The following UNC93A variants were observed in gnomAD, a reference collection of about 807,000 sequenced individuals.
UNC93A encodes N-acetylglucosamine transporter UNC93A.
UNC93A carries 43 observed loss-of-function variants against 47.5 expected under a neutral mutation model. That is an observed-to-expected ratio of 0.91 (90% confidence interval 0.71 to 1.17). The LOEUF (loss-of-function observed/expected upper bound fraction) is 1.17, where lower values mean the gene tolerates loss of function less well. UNC93A is among the 50% of genes most tolerant of loss of function. UNC93A has a pLI of 0.00. For missense variants in UNC93A, 605 were observed against 577.6 expected (o/e 1.05, Z -0.49); for synonymous variants, 280 against 258.0 (o/e 1.09, Z -0.82).
intron 3 of UNC93A, 105 bp from the exon 4 acceptor site, chr6:167,297,840 C>T: frequency 2.1e-6 from 3 of 1,439,152 alleles, no homozygotes; most frequent in Non-Finnish European, 2.8e-6. Flanking sequence ...GATGCCTCCC[C>T]CCAGGTGTCC....
chr6:167,302,648 A>G (rs1255677656), intron 4 of UNC93A, among the ~76,000 whole-genome samples: 1 of 152,238 alleles, frequency 6.6e-6, no homozygotes, highest in Non-Finnish European at 1.5e-5. Flanking sequence ...AGTGGTGGGC[A>G]GATGGAGATT....
At chr6:167,288,947 G>T (rs1783792520), upstream of UNC93A, among the ~76,000 whole-genome samples, 1 of 152,288 alleles carries the variant, frequency 6.6e-6, no homozygotes, top group Non-Finnish European at 1.5e-5. Flanking sequence ...GATTCGAGCA[G>T]ATCTACAGAA....
At chr6:167,301,268 G>A (rs1474066202) in intron 4 of UNC93A, among the ~76,000 whole-genome samples, 8 of 152,198 alleles carry the variant, frequency 5.3e-5, no homozygotes, top group East Asian at 3.9e-4. Context: ...CTCGGTTCAC[G>A]GAATCCCGCA....
chr6:167,288,308 C>T (rs1383149678), upstream of UNC93A, among the ~76,000 whole-genome samples: 1 of 152,206 alleles, frequency 6.6e-6, no homozygotes, highest in Non-Finnish European at 1.5e-5. Context: ...CCCGAATGCC[C>T]GCTCAGCTCA....
rs9459961 is a variant in UNC93A, at chr6:167,285,561, G to A, written c.-51-5878G>A. Among the ~76,000 whole-genome samples, 1,161 of 151,810 alleles carry A rather than the reference G, an allele frequency of 7.6e-3. 21 individuals are homozygous for A. Among genetic ancestry groups the A allele is most frequent in the African/African-American group, 0.027 (1,125 of 41,482 alleles). Reference sequence around the variant, plus strand: ...GCGGGGATGAGAGTTGGCCTCTGTCGCAAGCACAGGGCTGGAGTCGTGGAA... The same window carrying A: ...GCGGGGATGAGAGTTGGCCTCTGTCACAAGCACAGGGCTGGAGTCGTGGAA... On this transcript the variant is annotated intron_variant, in intron 1 of 3. Coordinates refer to the UNC93A transcript ENST00000503433.
chr6:167,271,683 T>C lies in UNC93A; in HGVS notation c.-52+225T>C, dbSNP rs777948114. ...CTGGCTGAGGTCCTATAAATTAGAATGGCAAAAGACAGGTTGACAAAATAG... is the reference window on the plus strand; with the variant it reads ...CTGGCTGAGGTCCTATAAATTAGAACGGCAAAAGACAGGTTGACAAAATAG... On this transcript the variant is annotated intron_variant, in intron 1 of 3. Transcript: ENST00000503433. Among the ~76,000 whole-genome samples the C allele has an allele frequency of 2.6e-5, 4 of 152,258 alleles. 1 individual carries two copies. Among genetic ancestry groups the C allele is most frequent in the Middle Eastern group, 6.8e-3 (2 of 294 alleles).
intron 1 of UNC93A, among the ~76,000 whole-genome samples, chr6:167,283,140 A>G (rs575539136): frequency 1.3e-5 from 2 of 152,230 alleles, no homozygotes; most frequent in Non-Finnish European, 2.9e-5. Flanking sequence ...AGGATTCTTT[A>G]GAAAATGTAA....
rs550979479 is a variant in UNC93A at position 167,299,800 on chromosome 6, G to C, written c.625+1730G>C. Reference sequence around the variant, plus strand: ...GAGATGTCCAGGAAGAGCCCGCAGGGCTGGGGGCAAGGTGGAGGGGCAGAA... The same window carrying C: ...GAGATGTCCAGGAAGAGCCCGCAGGCCTGGGGGCAAGGTGGAGGGGCAGAA... On this transcript the variant is annotated intron_variant, in intron 4 of 7. Coordinates refer to ENST00000230256, the MANE Select transcript of UNC93A (RefSeq NM_018974.4). Among the ~76,000 whole-genome samples the C allele has an allele frequency of 2.1e-4, 32 of 152,364 alleles. No homozygotes were observed. In the South Asian group the frequency reaches 6.2e-3, roughly 30 times the overall value.
chr6:167,297,836 T>C (rs576136464), intron 3 of UNC93A, 109 bp from the exon 4 acceptor site: 5 of 1,415,298 alleles, frequency 3.5e-6, no homozygotes, highest in Non-Finnish European at 4.8e-6. Context: ...TAGTGATGCC[T>C]CCCCCCAGGT....
chr6:167,276,518 T>G (rs1304661948), intron 1 of UNC93A, among the ~76,000 whole-genome samples: 1 of 152,170 alleles, frequency 6.6e-6, no homozygotes, highest in Non-Finnish European at 1.5e-5. Flanking sequence ...TCTTCCCACT[T>G]TAGGGGCAAG....
In UNC93A at chr6:167,297,013, C is replaced by T. The variant is rs150724077; in HGVS notation, c.499+752C>T. 8.5e-4 allele frequency among the ~76,000 whole-genome samples: 129 copies of T among 152,258 alleles called. 1 individual carries two copies. Among genetic ancestry groups the T allele is most frequent in the African/African-American group, 2.7e-3 (113 of 41,542 alleles). The stretch of plus-strand genomic sequence containing the variant: ...AAAACCCCTCTCCCTTTTTCTCATG[C>T]GATGTCATGCCTGCTAAGTGCATTT... On this transcript the variant is annotated intron_variant, in intron 3 of 7. Transcript: ENST00000230256.
chr6:167,285,485 C>G (rs1176062952), intron 1 of UNC93A, among the ~76,000 whole-genome samples: 3 of 151,800 alleles, frequency 2.0e-5, no homozygotes, highest in Non-Finnish European at 4.4e-5. Flanking sequence ...GGGACTCACA[C>G]TGCAGTGCCC....
chr6:167,287,220 C>T (rs1243863952), upstream of UNC93A, among the ~76,000 whole-genome samples: 1 of 152,110 alleles, frequency 6.6e-6, no homozygotes, highest in African/African-American at 2.4e-5. Flanking sequence ...GGATCTTTTC[C>T]ACCCAAAGTG....
At chr6:167,307,312 C>T (rs541186800) in intron 6 of UNC93A, among the ~76,000 whole-genome samples, 15 of 152,316 alleles carry the variant, frequency 9.8e-5, no homozygotes, top group East Asian at 3.9e-4. Flanking sequence ...CACGCATACA[C>T]ATCAGCTCAC....
In UNC93A at chr6:167,315,237, T is replaced by C. The variant is rs663227; in HGVS notation, c.1159T>C (p.Tyr387His). The change falls in exon 8 of 8, where the codon TAC (tyrosine) becomes CAC (histidine). Residue 387 changes from tyrosine to histidine, a missense_variant. Coordinates refer to ENST00000230256, the MANE Select transcript of UNC93A (RefSeq NM_018974.4). ...GAGCAAGGAAGCTGCCTTCGCCAAT[T>C]ACCGCCTGTGGGAGGCCCTGGGCTT... ...EKSKEAAFANYRLWEALGFVI... is the reference protein window; with the variant it reads ...EKSKEAAFANHRLWEALGFVI... The C allele has an allele frequency of 5.1e-3, 8,117 of 1,602,742 alleles. 136 individuals carry two copies. Among genetic ancestry groups the C allele is most frequent in the Admixed American group, 0.034 (1,984 of 58,004 alleles).
chr6:167,289,119 AAAACCAGCTCTGAGAGCC>A (rs1783796358), upstream of UNC93A, among the ~76,000 whole-genome samples: 1 of 152,298 alleles, frequency 6.6e-6, no homozygotes, highest in African/African-American at 2.4e-5. Context: ...TCATAACGCC[AAAACCAGCTCTGAGAGCC>A]AAGCCAGCTC....
chr6:167,312,693 G>A (rs1778593866), intron 7 of UNC93A, among the ~76,000 whole-genome samples: 1 of 152,218 alleles, frequency 6.6e-6, no homozygotes, highest in Non-Finnish European at 1.5e-5. Context: ...TCTTTTACAT[G>A]TGTACAGTCA....
At chr6:167,299,744 G>T (rs765906193) in intron 4 of UNC93A, among the ~76,000 whole-genome samples, 1 of 152,240 alleles carries the variant, frequency 6.6e-6, no homozygotes, top group Non-Finnish European at 1.5e-5. Context: ...ATTTGGCCAG[G>T]CAGGGAAGTG....
At chr6:167,303,182 C>T (rs757920869) in intron 4 of UNC93A, among the ~76,000 whole-genome samples, 3 of 152,196 alleles carry the variant, frequency 2.0e-5, no homozygotes, top group Admixed American at 6.5e-5. Context: ...CCTCAGACCC[C>T]GTTCTGCACC....
Sources: gnomAD v4.1 joint callset for allele counts (sites outside exome capture counted in the v4.1 genomes callset) on GRCh38, gnomAD v4.1.1 for gene constraint, MANE v1.5 for transcripts, NCBI Gene and HGNC (gene_info 2026-07-23, HGNC 2026-07-21) for gene names.